The following AOX1 variants were observed in gnomAD, a reference collection of about 807,000 sequenced individuals.
The protein encoded by AOX1 is aldehyde oxidase 1, also known as aldehyde oxidase.
Under a neutral mutation model 169.5 loss-of-function variants are expected in AOX1, and 153 were observed. The ratio of observed to expected loss-of-function variants is 0.90; its 90% CI spans 0.79 to 1.03. The LOEUF is 1.03. AOX1 is among the 50% of genes least tolerant of loss of function. The probability of loss-of-function intolerance (pLI) is 0.00; values close to 1 mark genes in which losing one functional copy is unlikely to be tolerated. For missense variants in AOX1, 1,656 were observed against 1,663.9 expected, an observed-to-expected ratio of 1.00 and a Z score of 0.08; for synonymous variants, 562 against 581.9, an observed-to-expected ratio of 0.97 and a Z score of 0.49.
downstream of AOX1, among the ~76,000 whole-genome samples, chr2:200,674,259 C>T (rs2036064722): frequency 6.6e-6 from 1 of 152,144 alleles, no homozygotes; most frequent in African/African-American, 2.4e-5. Context: ...TCCAGATATG[C>T]AGTGTTGGCA....
chr2:200,659,084 C>A, intron 27 of AOX1, 81 bp from the exon 28 acceptor site: 3 of 1,403,986 alleles, frequency 2.1e-6, no homozygotes, highest in South Asian at 1.3e-5. Context: ...GAGGGTATCA[C>A]ACATGTGTTA....
At chr2:200,628,113 T>C (rs1374784058) in intron 20 of AOX1, among the ~76,000 whole-genome samples, 8 of 152,118 alleles carry the variant, frequency 5.3e-5, no homozygotes, top group Non-Finnish European at 4.4e-5. Flanking sequence ...ATTTTAAAAC[T>C]TACATAAAAG....
chr2:200,604,573 T>G, intron 8 of AOX1, 123 bp from the exon 9 acceptor site: 2 of 1,069,704 alleles, frequency 1.9e-6, no homozygotes, highest in Non-Finnish European at 1.4e-6. Context: ...TTAGGTCACT[T>G]TGTACTTTAT....
rs554330424 is a variant in AOX1 at position 200,638,432 on chromosome 2, A to G, written c.2568+130A>G. 1,251 of 756,758 alleles carry G rather than the reference A, an allele frequency of 1.7e-3. 3 individuals carry two copies. Among genetic ancestry groups the G allele is most frequent in the Non-Finnish European group, 2.4e-3 (1,072 of 455,262 alleles). 46.9% of individuals were successfully genotyped at this position (756,758 alleles called of 1,614,324 possible). A position where few individuals can be genotyped will look rare whatever the true frequency, so the allele number is the denominator to read the frequency against. ...CAAATCAAAAACAGAGCATCTATTTAACTTTCTATTGGTTGCACTGACTTT... is the reference window on the plus strand; with the variant it reads ...CAAATCAAAAACAGAGCATCTATTTGACTTTCTATTGGTTGCACTGACTTT... On this transcript the variant is annotated intron_variant, in intron 23 of 34. Coordinates refer to ENST00000374700, the MANE Select transcript of AOX1 (RefSeq NM_001159.4).
In AOX1 at chr2:200,656,890, C is replaced by A; in HGVS notation, c.3124C>A (p.His1042Asn). The A allele has an allele frequency of 6.3e-7, 1 of 1,584,390 alleles. No homozygotes were observed. Among genetic ancestry groups the A allele is most frequent in the East Asian group, 2.3e-5 (1 of 43,302 alleles). Residue 1042 changes from histidine to asparagine, a missense_variant, in exon 27 of 35, where the codon CAC becomes AAC. Coordinates refer to ENST00000374700, the MANE Select transcript of AOX1 (RefSeq NM_001159.4). ...IYLDGSVLVT[H>N]GGIEMGQGVH... ...TCTTGATGGCTCTGTGCTGGTCACT[C>A]ACGGTGGAATTGAAATGGGGCAGGG...
rs1366892367 is a variant in AOX1, at chr2:200,669,631, C to T, written c.3855C>T (p.Asp1285=). The change falls in exon 34 of 35, where the codon GAC becomes GAT. Residue 1285 remains aspartate, a synonymous_variant. Coordinates refer to ENST00000374700, the MANE Select transcript of AOX1 (RefSeq NM_001159.4). The part of the protein sequence containing the change: ...LGCSVFFAIH[D]AVSAARQERG... ...GTTCCGTGTTTTTCGCTATCCATGA[C>T]GCAGTGAGTGCAGCACGACAGGAGA... is the stretch of plus-strand genomic sequence containing the variant. 26 of 1,613,682 alleles carry T rather than the reference C, an allele frequency of 1.6e-5. No individual in the cohort carries two copies. Among genetic ancestry groups the T allele is most frequent in the Non-Finnish European group, 2.1e-5 (25 of 1,179,994 alleles).
At chr2:200,597,619 A>C in intron 4 of AOX1, 114 bp downstream of exon 4, 1 of 553,832 alleles carries the variant, frequency 1.8e-6, no homozygotes, top group Non-Finnish European at 3.1e-6. Flanking sequence ...GGCCACTCCA[A>C]CAGATACAAC....
chr2:200,659,381 A>G, intron 28 of AOX1, 88 bp downstream of exon 28: 1 of 1,414,656 alleles, frequency 7.1e-7, no homozygotes, highest in East Asian at 2.3e-5. Context: ...GCTGAGAGTT[A>G]ATCCAACTCA....
At chr2:200,589,972 C>A (rs1486539900) in intron 1 of AOX1, among the ~76,000 whole-genome samples, 1 of 152,146 alleles carries the variant, frequency 6.6e-6, no homozygotes. Flanking sequence ...TTAAAAGCAA[C>A]CTAAAGCTCA....
intron 31 of AOX1, among the ~76,000 whole-genome samples, chr2:200,664,425 C>T (rs965608765): frequency 6.6e-6 from 1 of 152,218 alleles, no homozygotes; most frequent in Non-Finnish European, 1.5e-5. Context: ...GTGCCCTGCC[C>T]ATATAACTGA....
intron 20 of AOX1, among the ~76,000 whole-genome samples, chr2:200,627,871 T>G (rs1317573108): frequency 1.3e-5 from 2 of 152,222 alleles, no homozygotes; most frequent in African/African-American, 4.8e-5. Flanking sequence ...TAGGCTTTAT[T>G]AGGATTTCCA....
chr2:200,612,582 C>T, intron 13 of AOX1, 27 bp from the exon 14 acceptor site: 1 of 1,608,232 alleles, frequency 6.2e-7, no homozygotes, highest in Non-Finnish European at 8.5e-7. Context: ...AGTGTTTCTA[C>T]ATGTGCCACT....
intron 27 of AOX1, among the ~76,000 whole-genome samples, chr2:200,657,165 A>AAAAAATATATATAT (rs1179205121): frequency 1.1e-5 from 1 of 88,370 alleles, no homozygotes; most frequent in African/African-American, 5.2e-5. Flanking sequence ...CTCTACCAAA[A>AAAAAATATATATAT]ATATATATAT....
Position 200,660,200 on chromosome 2 carries a change from T to G in AOX1, c.3375+131T>G. On this transcript the variant is annotated intron_variant, in intron 29 of 34. Coordinates refer to ENST00000374700, the MANE Select transcript of AOX1 (RefSeq NM_001159.4). ...GGTACCACCATTGTGTAATGATAAA[T>G]AAAAGGCCCTTTGGCTCTTAGCATG... The G allele has an allele frequency of 6.9e-6, 5 of 727,954 alleles. No homozygotes were observed. In the South Asian group the frequency reaches 9.0e-5, roughly 13 times the overall value. The allele number at this position is 727,954 out of a possible 1,614,324, so 45.1% of individuals were successfully genotyped here.
At chr2:200,669,273 AT>A (rs1420041046) in intron 33 of AOX1, among the ~76,000 whole-genome samples, 1 of 152,108 alleles carries the variant, frequency 6.6e-6, no homozygotes, top group East Asian at 1.9e-4. Flanking sequence ...GTGAAACCCC[AT>A]CTCTGCTAAA....
intron 20 of AOX1, among the ~76,000 whole-genome samples, chr2:200,628,553 A>G (rs2035050851): frequency 6.6e-6 from 1 of 152,196 alleles, no homozygotes; most frequent in South Asian, 2.1e-4. Context: ...TCTGTGCCAC[A>G]TCTCAGAGCA....
At chr2:200,616,372 G>A (rs2034758901) in intron 16 of AOX1, among the ~76,000 whole-genome samples, 1 of 152,220 alleles carries the variant, frequency 6.6e-6, no homozygotes, top group South Asian at 2.1e-4. Context: ...TCTGCCCTGG[G>A]CACTGCAGGC....
At chr2:200,657,186 A>ATTTTT (rs1323706482) in intron 27 of AOX1, among the ~76,000 whole-genome samples, 73 of 65,736 alleles carry the variant, frequency 1.1e-3, no homozygotes, top group East Asian at 2.9e-3. Flanking sequence ...ATATATATAT[A>ATTTTT]TATATTTTTT....
At chr2:200,615,932 C>A in intron 15 of AOX1, 39 bp from the exon 16 acceptor site, 4 of 1,480,062 alleles carry the variant, frequency 2.7e-6, no homozygotes, top group Non-Finnish European at 2.8e-6. Flanking sequence ...CTGGTGCATT[C>A]AAACTATTTA....
Sources: gnomAD v4.1 joint callset for allele counts (sites outside exome capture counted in the v4.1 genomes callset) on GRCh38, gnomAD v4.1.1 for gene constraint, MANE v1.5 for transcripts, NCBI Gene and HGNC (gene_info 2026-07-23, HGNC 2026-07-21) for gene names.